The following GRHL3 variants were observed in gnomAD, a reference collection of about 807,000 sequenced individuals.
The protein encoded by GRHL3 is grainyhead-like protein 3 homolog.
A neutral mutation model predicts 70.3 loss-of-function variants in GRHL3; 20 were observed. The ratio of observed to expected loss-of-function variants is 0.28; its 90% confidence interval spans 0.20 to 0.41. The LOEUF (loss-of-function observed/expected upper bound fraction) is 0.41. Among genes scored for constraint, GRHL3 ranks in the 10% least tolerant of loss-of-function variants. GRHL3 has a pLI of 1.00. For synonymous variants in GRHL3, 299 were observed against 299.9 expected, an observed-to-expected ratio of 1.00 and a Z score of 0.03; for missense variants, 637 against 762.3, an observed-to-expected ratio of 0.84 and a Z score of 1.94.
downstream of GRHL3, chr1:24,358,505 C>T (rs373190951): frequency 2.9e-5 from 44 of 1,539,994 alleles, no homozygotes; most frequent in Non-Finnish European, 4.0e-5. Flanking sequence ...GCAGGGTGGG[C>T]TGGTGGCTGG....
chr1:24,355,158 T>C lies in GRHL3; in HGVS notation c.*670T>C, dbSNP rs1640668666. Reference sequence around the variant, plus strand: ...TATATATATATAAATATACTGTATATATATGCAACATTTTATATTTTTCAT... The same window carrying C: ...TATATATATATAAATATACTGTATACATATGCAACATTTTATATTTTTCAT... On this transcript the variant is annotated 3_prime_UTR_variant, in exon 16 of 16. Transcript: ENST00000361548. The C allele has an allele frequency of 6.6e-6, 1 of 152,486 alleles. No homozygotes were observed. 9.4% of individuals were successfully genotyped at this position (152,486 alleles called of 1,614,324 possible).
chr1:24,322,967 C>T lies in GRHL3; in HGVS notation c.17+3399C>T. 1.1e-6 allele frequency: 1 copy of T among 897,536 alleles called. No homozygotes were observed. The highest frequency in any genetic ancestry group is 1.7e-6 in the Non-Finnish European group (1 of 573,808). 55.6% of individuals were successfully genotyped at this position (897,536 alleles called of 1,614,324 possible). On this transcript the variant is annotated intron_variant, in intron 1 of 15. Transcript: ENST00000361548. The surrounding 1 kb of genome is among the most constrained non-coding windows in gnomAD (Gnocchi z 4.4). ...CAAGGTCTCACGGAAGCACTGGGAT[C>T]TTAACCGGGTCTTAGCCGAGCAGCC...
chr1:24,334,578 G>A lies in GRHL3; in HGVS notation c.205-67G>A. 3 of 1,300,412 alleles carry A rather than the reference G, an allele frequency of 2.3e-6. No homozygotes were observed. Among genetic ancestry groups the A allele is most frequent in the Non-Finnish European group, 2.2e-6 (2 of 902,052 alleles). 80.6% of individuals were successfully genotyped at this position (1,300,412 alleles called of 1,614,324 possible). On this transcript the variant is annotated intron_variant, in intron 2 of 15. Transcript: ENST00000361548. This position sits in a 1 kb window ranked among gnomAD's most constrained non-coding sequence, Gnocchi z 4.3. ...CTCCCCTGCCTGGCCAAAGCTGCAGGAGGGGATTGAGGCTCCTACCAGCAG... is the reference window on the plus strand; with the variant it reads ...CTCCCCTGCCTGGCCAAAGCTGCAGAAGGGGATTGAGGCTCCTACCAGCAG...
chr1:24,339,257 G>A (rs1354720553), intron 7 of GRHL3, among the ~76,000 whole-genome samples: 5 of 148,918 alleles, frequency 3.4e-5, no homozygotes, highest in Admixed American at 3.3e-4. Flanking sequence ...GTATGCCCCT[G>A]CCAAGAGTGA....
In GRHL3 at chr1:24,321,672, G is replaced by A. The variant is rs1249803288; in HGVS notation, c.17+2104G>A. 1 of 152,282 alleles carries A rather than the reference G, an allele frequency of 6.6e-6. No individual in the cohort carries two copies. The highest frequency in any genetic ancestry group is 1.5e-5 in the Non-Finnish European group (1 of 68,074). The allele number at this position is 152,282 out of a possible 1,614,324, so 9.4% of individuals were successfully genotyped here. On this transcript the variant is annotated intron_variant, in intron 1 of 15. Transcript: ENST00000361548. The surrounding 1 kb of genome is among the most constrained non-coding windows in gnomAD (Gnocchi z 4.0). ...ATCTGTCTGTAACACCTACCTGGCA[G>A]GAACAACTGTGAGCTCCCAAATGTG...
exon 16 of GRHL3, chr1:24,364,225 C>A (rs535901162): frequency 9.1e-6 from 14 of 1,544,554 alleles, no homozygotes; most frequent in Admixed American, 4.0e-5. Flanking sequence ...TCGCCACCCC[C>A]CACCTGACTG....
At position 24,344,926 on chromosome 1, in the gene GRHL3, C is replaced by T; in HGVS notation, c.1449C>T (p.Ser483=). The T allele has an allele frequency of 6.2e-7, 1 of 1,613,602 alleles. No individual in the cohort carries two copies. Among genetic ancestry groups the T allele is most frequent in the Non-Finnish European group, 8.5e-7 (1 of 1,179,722 alleles). Residue 483 remains serine, a synonymous_variant, in exon 12 of 16, where the codon TCC becomes TCT. Transcript: ENST00000361548. ...CCCCCTCGGCAGGACCCAGCAGCTC[C>T]AACAGGTATGGAGAGAAACAACCAC... ...GAAPSAGPSS[S]NRLPLKRTCS...
Position 24,354,792 on chromosome 1 carries a change from A to C in GRHL3, c.*304A>C, listed in dbSNP as rs1569934593. The C allele has an allele frequency of 4.1e-6, 1 of 245,782 alleles. No individual in the cohort carries two copies. The highest frequency in any genetic ancestry group is 8.0e-6 in the Non-Finnish European group (1 of 124,878). 15.2% of individuals were successfully genotyped at this position (245,782 alleles called of 1,614,324 possible). ...CAGAAGACTGTTCCCTCCTCCCAAG[A>C]CCCTTGTCTGCAGTGGTGCTCCTGC... On this transcript the variant is annotated 3_prime_UTR_variant, in exon 16 of 16. Coordinates refer to ENST00000361548, the MANE Select transcript of GRHL3 (RefSeq NM_198173.3).
At position 24,321,055 on chromosome 1, in the gene GRHL3, A is replaced by G. The variant is rs1392487777; in HGVS notation, c.17+1487A>G. ...AATGAGCATTCCCAAACCTCTTGCT[A>G]TTTTTCCATACTTTGAACGCGCAAA... On this transcript the variant is annotated intron_variant, in intron 1 of 15. Coordinates refer to ENST00000361548, the MANE Select transcript of GRHL3 (RefSeq NM_198173.3). The surrounding 1 kb of genome is among the most constrained non-coding windows in gnomAD (Gnocchi z 4.0). Among the ~76,000 whole-genome samples the G allele has an allele frequency of 6.6e-6, 1 of 152,114 alleles. No individual in the cohort carries two copies. Among genetic ancestry groups the G allele is most frequent in the Non-Finnish European group, 1.5e-5 (1 of 68,026 alleles).
intron 4 of GRHL3, 68 bp from the exon 5 acceptor site, chr1:24,337,010 A>T: frequency 4.7e-6 from 7 of 1,478,054 alleles, no homozygotes; most frequent in Non-Finnish European, 6.6e-6. Flanking sequence ...TGTAATGCAC[A>T]GCCCTGGGCT....
At chr1:24,343,048 G>C in intron 11 of GRHL3, 23 bp downstream of exon 11, 2 of 1,613,786 alleles carry the variant, frequency 1.2e-6, no homozygotes, top group Non-Finnish European at 1.7e-6. Flanking sequence ...CTGGGGTCTC[G>C]GGAAGGAGCC....
chr1:24,346,714 G>T, intron 13 of GRHL3, 73 bp downstream of exon 13: 1 of 1,213,364 alleles, frequency 8.2e-7, no homozygotes, highest in Non-Finnish European at 1.2e-6. Context: ...CTTTCCCAAA[G>T]CCTCCTTGGG....
downstream of GRHL3, among the ~76,000 whole-genome samples, chr1:24,359,871 T>TCC (rs1640980210): frequency 6.6e-6 from 1 of 151,996 alleles, no homozygotes; most frequent in Admixed American, 6.6e-5. The surrounding 1 kb of genome is among the most constrained non-coding windows in gnomAD (Gnocchi z 5.3). Context: ...CTGGACTGAG[T>TCC]CCCTCATGAT....
In GRHL3 at chr1:24,322,979, T is replaced by G. The variant is rs1639257468; in HGVS notation, c.17+3411T>G. On this transcript the variant is annotated intron_variant, in intron 1 of 15. Transcript: ENST00000361548. This position sits in a 1 kb window ranked among gnomAD's most constrained non-coding sequence, Gnocchi z 4.4. ...GAAGCACTGGGATCTTAACCGGGTC[T>G]TAGCCGAGCAGCCATAGGCCACCCC... The G allele has an allele frequency of 2.9e-6, 3 of 1,032,896 alleles. No individual in the cohort carries two copies. The highest frequency in any genetic ancestry group is 2.9e-6 in the Non-Finnish European group (2 of 685,306). The allele number at this position is 1,032,896 out of a possible 1,614,324, so 64.0% of individuals were successfully genotyped here. A position where few individuals can be genotyped will look rare whatever the true frequency, so the allele number is the denominator to read the frequency against.
intron 15 of GRHL3, chr1:24,364,141 C>T: frequency 6.8e-7 from 1 of 1,472,404 alleles, no homozygotes; most frequent in Non-Finnish European, 9.0e-7. Flanking sequence ...CCAACTTTCC[C>T]TGCAAACTCG....
intron 2 of GRHL3, 136 bp downstream of exon 2, chr1:24,331,748 C>G (rs1490042677): frequency 1.7e-6 from 1 of 598,570 alleles, no homozygotes; most frequent in Non-Finnish European, 2.7e-6. Context: ...TTCCCTCTGC[C>G]TGGCACCCTC....
At chr1:24,356,059 C>T (rs1640706851), downstream of GRHL3, among the ~76,000 whole-genome samples, 2 of 151,482 alleles carry the variant, frequency 1.3e-5, no homozygotes, top group South Asian at 4.2e-4. Context: ...TGACACCACG[C>T]TTGGCTAATT....
intron 14 of GRHL3, among the ~76,000 whole-genome samples, chr1:24,348,421 C>G (rs1056311310): frequency 5.3e-5 from 8 of 152,242 alleles, no homozygotes; most frequent in Non-Finnish European, 1.0e-4. Context: ...TCTCCTCATG[C>G]TACTCGGCTG....
rs1433631192 is a variant in GRHL3 at position 24,337,750 on chromosome 1, AG to A, written c.803del (p.Gly268ValfsTer16). 6.2e-7 allele frequency: 1 copy of A among 1,614,248 alleles called. No homozygotes were observed. Among genetic ancestry groups the A allele is most frequent in the South Asian group, 1.1e-5 (1 of 91,090 alleles). ...ACCCCGTCACCCTGCGGACCCCAGC[AG>A]GTGGCAAAGGCCTTGCCTTGTCCTC... ...FYPVTLRTPA[G>X]GKGLALSSNK... is the part of the protein sequence containing the mutation. On this transcript the variant is annotated frameshift_variant, in exon 6 of 16. Coordinates refer to ENST00000361548, the MANE Select transcript of GRHL3 (RefSeq NM_198173.3). LOFTEE classifies it high-confidence loss of function.
Sources: allele counts gnomAD v4.1 joint callset (sites outside exome capture counted in the v4.1 genomes callset), GRCh38; gene constraint gnomAD v4.1.1; non-coding constraint Gnocchi (gnomAD v3.1); transcripts MANE v1.5; gene names NCBI Gene and HGNC (gene_info 2026-07-23, HGNC 2026-07-21).